Variants in MSH6 observed in about 807,000 individuals in gnomAD.
MSH6 encodes DNA mismatch repair protein Msh6.
A neutral mutation model predicts 119.1 loss-of-function variants in MSH6; 85 were observed. That is an observed-to-expected ratio of 0.71 (90% CI 0.60 to 0.85). The LOEUF (loss-of-function observed/expected upper bound fraction) is 0.85. Ranked by LOEUF, MSH6 falls within the 40% of genes least tolerant of loss-of-function variation. MSH6 has a pLI of 0.00. For synonymous variants in MSH6, 830 were observed against 586.9 expected (o/e 1.41, Z -5.99); for missense variants, 2,163 against 1,655.3 (o/e 1.31, Z -5.32).
Position 47,803,507 on chromosome 2 carries a change from C to G in MSH6, c.3260C>G (p.Pro1087Arg), listed in dbSNP as rs63750753. ...PVILLPEDTP[P>R]FLELKGSRHP... ...ATTCTGTTGCCGGAAGATACCCCCC[C>G]CTTCTTAGAGCTTAAAGGATCACGC... Residue 1087 changes from proline (P) to arginine (R), a missense_variant, in exon 5 of 10, where the codon CCC (proline) becomes CGC (arginine). Pro to Arg is a moderately radical substitution (Grantham distance 103, BLOSUM62 -2). Transcript: ENST00000234420. 114 of 1,614,028 alleles carry G rather than the reference C, an allele frequency of 7.1e-5. No individual in the cohort carries two copies. Among genetic ancestry groups the G allele is most frequent in the Admixed American group, 2.3e-4 (14 of 59,994 alleles).
chr2:47,800,506 G>T lies in MSH6; in HGVS notation c.2523G>T (p.Arg841Ser), dbSNP rs2104410897. 4 of 1,612,766 alleles carry T rather than the reference G, an allele frequency of 2.5e-6. No individual in the cohort carries two copies. Among genetic ancestry groups the T allele is most frequent in the Non-Finnish European group, 3.4e-6 (4 of 1,179,698 alleles). Residue 841 changes from arginine to serine, a missense_variant, in exon 4 of 10, where the codon AGG becomes AGT. Arg to Ser is a moderately radical substitution (Grantham distance 110). Coordinates refer to ENST00000234420, the MANE Select transcript of MSH6 (RefSeq NM_000179.3). ...PLKSQNHPDS[R>S]AIMYEETTYS... ...AGAGTCAGAACCACCCAGACAGCAG[G>T]GCTATAATGTATGAAGAAACTACAT...
intron 1 of MSH6, chr2:47,783,796 A>T: frequency 2.3e-6 from 1 of 434,666 alleles, no homozygotes; most frequent in Non-Finnish European, 3.0e-6. Context: ...TGCTGGGCTA[A>T]GGAAGGGGCG....
At position 47,800,907 on chromosome 2, in the gene MSH6, AC is replaced by A; in HGVS notation, c.2926del (p.Arg976ValfsTer21). ...ATAGTCTATTGGGGGATTGGTAGGA[AC>A]CGTTACCAGCTGGAAATTCCTGAGA... ...RTIVYWGIGR[N>X]RYQLEIPENF... is the part of the protein sequence containing the mutation. On this transcript the variant is annotated frameshift_variant, in exon 4 of 10. Transcript: ENST00000234420. LOFTEE classifies it high-confidence loss of function. The A allele has an allele frequency of 6.3e-7, 1 of 1,587,902 alleles. No homozygotes were observed. Among genetic ancestry groups the A allele is most frequent in the Non-Finnish European group, 8.6e-7 (1 of 1,168,736 alleles).
chr2:47,792,850 T>G (rs1002624268), intron 2 of MSH6, among the ~76,000 whole-genome samples: 4 of 116,686 alleles, frequency 3.4e-5, no homozygotes, highest in East Asian at 2.0e-4. Context: ...TATATAGTTT[T>G]TTTTTTTTTT....
At position 47,787,511 on chromosome 2, in the gene MSH6, T is replaced by G. The variant is rs1668418160; in HGVS notation, c.261-3416T>G. ...CTGTCAGCTTTTCCTCTTAACATTTTTCCCCACCGTCTTAAAAAACCCCAA... is the reference window on the plus strand; with the variant it reads ...CTGTCAGCTTTTCCTCTTAACATTTGTCCCCACCGTCTTAAAAAACCCCAA... On this transcript the variant is annotated intron_variant, in intron 1 of 9. Transcript: ENST00000234420. 2.0e-5 allele frequency among the ~76,000 whole-genome samples: 3 copies of G among 152,190 alleles called. No homozygotes were observed. The South Asian group carries it at 6.2e-4, about 31-fold the overall frequency.
intron 1 of MSH6, chr2:47,784,390 A>G: frequency 2.9e-6 from 1 of 343,302 alleles, no homozygotes; most frequent in Non-Finnish European, 4.1e-6. Flanking sequence ...GCGCTGGACA[A>G]AGATGTGTGG....
intron 1 of MSH6, chr2:47,783,891 TG>T: frequency 1.2e-6 from 1 of 814,274 alleles, no homozygotes; most frequent in Non-Finnish European, 1.4e-6. Context: ...CCGGCCCACT[TG>T]GTGGGCGGGG....
chr2:47,802,296 T>TG (rs1669648378), intron 4 of MSH6, among the ~76,000 whole-genome samples: 1 of 152,216 alleles, frequency 6.6e-6, no homozygotes. Context: ...CAACATTACC[T>TG]GGAACCATTG....
At chr2:47,791,200 C>G in intron 2 of MSH6, 77 bp downstream of exon 2, 29 of 1,369,588 alleles carry the variant, frequency 2.1e-5, no homozygotes, top group Non-Finnish European at 3.0e-5. Context: ...GACAGGCAGA[C>G]TTTTTTCTAT....
chr2:47,804,675 G>A (rs1468299528), intron 5 of MSH6, among the ~76,000 whole-genome samples: 3 of 152,184 alleles, frequency 2.0e-5, no homozygotes, highest in Admixed American at 1.3e-4. Flanking sequence ...AGGGTAGTGG[G>A]TTGGTAAGCA....
intron 3 of MSH6, among the ~76,000 whole-genome samples, chr2:47,797,194 A>G (rs1192185427): frequency 3.3e-5 from 5 of 152,206 alleles, no homozygotes; most frequent in African/African-American, 4.8e-5. Flanking sequence ...AGTGTGGCCC[A>G]GGGAAGCTGA....
Position 47,800,964 on chromosome 2 carries a change from A to T in MSH6, c.2981A>T (p.Tyr994Phe), listed in dbSNP as rs1431702414. The T allele has an allele frequency of 6.4e-7, 1 of 1,564,068 alleles. No individual in the cohort carries two copies. Among genetic ancestry groups the T allele is most frequent in the Non-Finnish European group, 8.6e-7 (1 of 1,157,662 alleles). ...NFTTRNLPEE[Y>F]ELKSTKKGCK... ...ACCACTCGCAATTTGCCAGAAGAAT[A>T]CGAGTTGAAATCTACCAAGAAGGGC... The change falls in exon 4 of 10, where the codon TAC becomes TTC. Residue 994 changes from tyrosine (Y) to phenylalanine (F), a missense_variant. Coordinates refer to ENST00000234420, the MANE Select transcript of MSH6 (RefSeq NM_000179.3).
rs63749857 is a variant in MSH6 at position 47,799,991 on chromosome 2, G to T, written c.2008G>T (p.Gly670Trp). The change falls in exon 4 of 10, where the codon GGG (glycine) becomes TGG (tryptophan). Residue 670 changes from glycine to tryptophan, a missense_variant. Gly to Trp is a radical substitution (Grantham distance 184). Coordinates refer to ENST00000234420, the MANE Select transcript of MSH6 (RefSeq NM_000179.3). ...KGMTSESDSI[G>W]LTPGEKSELA... Reference sequence around the variant, plus strand: ...TATGACTTCAGAGTCTGATTCCATTGGGTTGACACCAGGAGAGAAAAGTGA... The same window carrying T: ...TATGACTTCAGAGTCTGATTCCATTTGGTTGACACCAGGAGAGAAAAGTGA... 1.2e-6 allele frequency: 2 copies of T among 1,613,912 alleles called. No individual in the cohort carries two copies. Among genetic ancestry groups the T allele is most frequent in the African/African-American group, 2.7e-5 (2 of 74,884 alleles).
Position 47,801,154 on chromosome 2 carries a change from G to T in MSH6, c.3171G>T (p.Leu1057Phe), listed in dbSNP as rs1553414599. ...CTGCTGTAGAGTGTATCGCAGTGTT[G>T]GGTAAGACTTTGAACAAGCTTGTTC... ...WQSAVECIAV[L>F]DVLLCLANYS... Residue 1057 changes from leucine (L) to phenylalanine (F), a missense_variant and splice_region_variant, in exon 4 of 10, where the codon TTG becomes TTT. Transcript: ENST00000234420. The T allele has an allele frequency of 6.2e-7, 1 of 1,609,210 alleles. No homozygotes were observed. The highest frequency in any genetic ancestry group is 8.5e-7 in the Non-Finnish European group (1 of 1,179,940).
At chr2:47,789,483 AGAAAT>A (rs750617278) in intron 1 of MSH6, 14 of 451,696 alleles carry the variant, frequency 3.1e-5, no homozygotes, top group South Asian at 2.2e-4. Flanking sequence ...TTGCTTGCTT[AGAAAT>A]GAAATAATTC....
In MSH6 at chr2:47,801,062, G is replaced by C. The variant is rs876658397; in HGVS notation, c.3079G>C (p.Val1027Leu). Residue 1027 changes from valine (V) to leucine (L), a missense_variant, in exon 4 of 10, where the codon GTA (valine) becomes CTA (leucine). Val to Leu is a conservative substitution (Grantham distance 32). Coordinates refer to ENST00000234420, the MANE Select transcript of MSH6 (RefSeq NM_000179.3). The part of the protein sequence containing the change: ...NLINAEERRD[V>L]SLKDCMRRLF... ...CATAAATGCTGAAGAACGGAGGGAT[G>C]TATCATTGAAGGACTGCATGCGGCG... 7 of 1,606,338 alleles carry C rather than the reference G, an allele frequency of 4.4e-6. No homozygotes were observed. Among genetic ancestry groups the C allele is most frequent in the South Asian group, 1.1e-5 (1 of 89,818 alleles).
At chr2:47,801,459 C>A (rs1030782501) in intron 4 of MSH6, 1 of 322,906 alleles carries the variant, frequency 3.1e-6, no homozygotes, top group Admixed American at 4.8e-5. Context: ...CCTCGACCTC[C>A]CAGGCTTAAG....
intron 7 of MSH6, 144 bp downstream of exon 7, chr2:47,805,851 A>T: frequency 1.4e-6 from 1 of 730,626 alleles, no homozygotes; most frequent in Non-Finnish European, 2.4e-6. Context: ...GCACAGACCG[A>T]TAGTTGGAGA....
chr2:47,806,709 G>A (rs1670176345), intron 9 of MSH6, 58 bp downstream of exon 9: 1 of 1,549,964 alleles, frequency 6.5e-7, no homozygotes. Context: ...CAAAGAAACA[G>A]TAAAAGGGGA....
Sources: gnomAD v4.1 joint callset for allele counts (sites outside exome capture counted in the v4.1 genomes callset) on GRCh38, gnomAD v4.1.1 for gene constraint, MANE v1.5 for transcripts, NCBI Gene and HGNC (gene_info 2026-07-23, HGNC 2026-07-21) for gene names.